NRF1: variants seen among roughly 807,000 people sequenced by gnomAD.
NRF1 encodes the protein nuclear respiratory factor 1.
A neutral mutation model predicts 58.5 loss-of-function variants in NRF1; 5 were observed. That is an observed-to-expected ratio of 0.09 (90% CI 0.04 to 0.18). NRF1 has a LOEUF of 0.18. NRF1 is among the 10% of genes least tolerant of loss of function. The probability of loss-of-function intolerance (pLI) is 1.00; values close to 1 mark genes in which losing one functional copy is unlikely to be tolerated. For missense variants in NRF1, 288 were observed against 657.7 expected, an observed-to-expected ratio of 0.44 and a Z score of 6.15; for synonymous variants, 224 against 246.7, an observed-to-expected ratio of 0.91 and a Z score of 0.86.
At chr7:129,751,580 A>G (rs1008934526) in intron 10 of NRF1, among the ~76,000 whole-genome samples, 4 of 152,264 alleles carry the variant, frequency 2.6e-5, no homozygotes, top group African/African-American at 9.6e-5. Context: ...TTTAGTTTCT[A>G]TTCACACCAG....
chr7:129,624,767 A>G (rs1315727872), intron 1 of NRF1, among the ~76,000 whole-genome samples: 31 of 152,120 alleles, frequency 2.0e-4, no homozygotes, highest in Non-Finnish European at 1.2e-4. Context: ...CTCCTGCCTC[A>G]GTCTCCCAAG....
chr7:129,678,464 G>C (rs1277853635), intron 4 of NRF1, among the ~76,000 whole-genome samples: 2 of 152,048 alleles, frequency 1.3e-5, no homozygotes, highest in Non-Finnish European at 2.9e-5. Context: ...CATTTTTTGA[G>C]TTCAGAATTA....
intron 1 of NRF1, among the ~76,000 whole-genome samples, chr7:129,619,396 GTATATATATA>G (rs749333673): frequency 0.12 from 5,696 of 47,336 alleles, 351 homozygotes; most frequent in Middle Eastern, 0.19. Flanking sequence ...TGGCATACGT[GTATATATATA>G]TATATATATA....
At chr7:129,619,603 TTAG>T (rs1450463299) in intron 1 of NRF1, among the ~76,000 whole-genome samples, 1 of 148,716 alleles carries the variant, frequency 6.7e-6, no homozygotes, top group East Asian at 2.0e-4. Flanking sequence ...AGAATCTAAC[TTAG>T]TAGAAGACCC....
In NRF1 at chr7:129,741,720, G is replaced by A. The variant is rs1436989907; in HGVS notation, c.1349-13298G>A. On this transcript the variant is annotated intron_variant, in intron 10 of 10. Coordinates refer to ENST00000393232, the MANE Select transcript of NRF1 (RefSeq NM_005011.5). The surrounding 1 kb of genome is among the most constrained non-coding windows in gnomAD (Gnocchi z 4.0). ...TTTATGCTTCCATTAGGATTTTGAA[G>A]GAATGCCAGTGCACTGTTATTAACT... Among the ~76,000 whole-genome samples the A allele has an allele frequency of 2.0e-5, 3 of 152,158 alleles. No homozygotes were observed. The highest frequency in any genetic ancestry group is 4.4e-5 in the Non-Finnish European group (3 of 68,030).
chr7:129,642,548 G>A (rs1801314109), intron 1 of NRF1, among the ~76,000 whole-genome samples: 1 of 151,936 alleles, frequency 6.6e-6, no homozygotes, highest in African/African-American at 2.4e-5. Flanking sequence ...ATACAATATA[G>A]GCTCATTTTT....
intron 1 of NRF1, among the ~76,000 whole-genome samples, chr7:129,627,053 G>C (rs559125526): frequency 1.2e-3 from 186 of 152,318 alleles, no homozygotes; most frequent in Non-Finnish European, 2.4e-3. Context: ...ACAGTAAAAA[G>C]TGGGTTTCCC....
intron 5 of NRF1, among the ~76,000 whole-genome samples, chr7:129,694,280 A>AT (rs1219485291): frequency 2.6e-5 from 4 of 152,204 alleles, no homozygotes; most frequent in Non-Finnish European, 2.9e-5. Flanking sequence ...GGATCCTGGC[A>AT]TTTTCCCCCC....
chr7:129,672,668 T>C (rs1802076783), intron 3 of NRF1, among the ~76,000 whole-genome samples: 1 of 151,616 alleles, frequency 6.6e-6, no homozygotes, highest in South Asian at 2.1e-4. Context: ...GAGAAAGGAG[T>C]GCTGGGTGAT....
intron 1 of NRF1, among the ~76,000 whole-genome samples, chr7:129,656,822 C>T (rs544609122): frequency 6.6e-6 from 1 of 152,328 alleles, no homozygotes; most frequent in East Asian, 1.9e-4. Context: ...GATGATCCAC[C>T]TGCCTGGGCC....
At chr7:129,712,087 C>T (rs190939296) in intron 8 of NRF1, among the ~76,000 whole-genome samples, 95 of 152,252 alleles carry the variant, frequency 6.2e-4, no homozygotes, top group Non-Finnish European at 1.1e-3. Context: ...AGACAGCCAA[C>T]CTTTATTGAT....
chr7:129,621,875 C>T (rs1800804934), intron 1 of NRF1, among the ~76,000 whole-genome samples: 3 of 150,498 alleles, frequency 2.0e-5, no homozygotes, highest in Non-Finnish European at 1.5e-5. Context: ...TTCCGCCTCT[C>T]GGGTTCAAGC....
intron 2 of NRF1, among the ~76,000 whole-genome samples, chr7:129,662,656 T>C (rs993413173): frequency 3.9e-5 from 6 of 152,228 alleles, no homozygotes; most frequent in Admixed American, 2.6e-4. Context: ...TATAATGTTA[T>C]CTTCCTCTAG....
Position 129,685,031 on chromosome 7 carries a change from A to G in NRF1, c.466-5375A>G, listed in dbSNP as rs1288554016. 3.9e-5 allele frequency among the ~76,000 whole-genome samples: 6 copies of G among 152,254 alleles called. No homozygotes were observed. The East Asian group carries it at 1.2e-3, about 29-fold the overall frequency. ...TGGCTGGAAGCCAGATGTGCTTCAC[A>G]GTCACAGGTCTGAGGGCAGCAGCTC... On this transcript the variant is annotated intron_variant, in intron 4 of 10. Coordinates refer to ENST00000393232, the MANE Select transcript of NRF1 (RefSeq NM_005011.5).
intron 10 of NRF1, among the ~76,000 whole-genome samples, chr7:129,749,518 G>T (rs1293906508): frequency 6.6e-6 from 1 of 151,614 alleles, no homozygotes; most frequent in African/African-American, 2.4e-5. Context: ...CCAGAGATTT[G>T]GGTCCAACTG....
chr7:129,709,729 C>CTTTTTTTTTT (rs71527924), intron 6 of NRF1, among the ~76,000 whole-genome samples: 7 of 127,928 alleles, frequency 5.5e-5, no homozygotes, highest in East Asian at 2.1e-4. Context: ...TCTTTTCTTT[C>CTTTTTTTTTT]TTTTTTTTTT....
intron 4 of NRF1, among the ~76,000 whole-genome samples, chr7:129,682,684 C>T (rs1470511803): frequency 6.7e-6 from 1 of 148,934 alleles, no homozygotes; most frequent in African/African-American, 2.5e-5. Context: ...CACTTGTAAT[C>T]CCAGCTATTT....
At chr7:129,651,586 C>T (rs1801537319) in intron 1 of NRF1, among the ~76,000 whole-genome samples, 1 of 152,112 alleles carries the variant, frequency 6.6e-6, no homozygotes, top group Non-Finnish European at 1.5e-5. Flanking sequence ...TTATGCCAAG[C>T]GCATAGCCTA....
At chr7:129,637,984 G>A (rs990820271) in intron 1 of NRF1, among the ~76,000 whole-genome samples, 5 of 151,750 alleles carry the variant, frequency 3.3e-5, no homozygotes, top group Non-Finnish European at 7.4e-5. Flanking sequence ...GGACACCTCT[G>A]CTTTAAGGCT....
Sources: allele counts gnomAD v4.1 joint callset (sites outside exome capture counted in the v4.1 genomes callset), GRCh38; gene constraint gnomAD v4.1.1; non-coding constraint Gnocchi (gnomAD v3.1); transcripts MANE v1.5; gene names NCBI Gene and HGNC (gene_info 2026-07-23, HGNC 2026-07-21).